The following PDE6C variants were observed in gnomAD, a reference collection of about 807,000 sequenced individuals.
PDE6C encodes cone cGMP-specific 3',5'-cyclic phosphodiesterase subunit alpha'.
A neutral mutation model predicts 113.1 loss-of-function variants in PDE6C; 75 were observed. That is an observed-to-expected ratio of 0.66 (90% CI 0.55 to 0.80). The LOEUF (loss-of-function observed/expected upper bound fraction) is 0.80, where lower values mean the gene tolerates loss of function less well. Among genes scored for constraint, PDE6C ranks in the 30% least tolerant of loss-of-function variants. The pLI, the probability that PDE6C is intolerant of heterozygous loss-of-function variation, is 0.00. For synonymous variants in PDE6C, 375 were observed against 363.7 expected (o/e 1.03, Z -0.35); for missense variants, 912 against 1,038.6 (o/e 0.88, Z 1.67).
At chr10:93,614,926 G>T (rs2058413123) in intron 1 of PDE6C, among the ~76,000 whole-genome samples, 1 of 152,124 alleles carries the variant, frequency 6.6e-6, no homozygotes, top group African/African-American at 2.4e-5. Flanking sequence ...AGACCTCATT[G>T]GTTCTTCATT....
chr10:93,617,774 C>CA (rs1286747272), intron 1 of PDE6C, among the ~76,000 whole-genome samples: 4 of 151,706 alleles, frequency 2.6e-5, no homozygotes, highest in African/African-American at 7.3e-5. Context: ...AACTCTGTCT[C>CA]AAAAAAAAGA....
At chr10:93,657,083 A>T (rs900189466) in intron 16 of PDE6C, among the ~76,000 whole-genome samples, 1 of 152,134 alleles carries the variant, frequency 6.6e-6, no homozygotes, top group African/African-American at 2.4e-5. Context: ...CCACAAAGAT[A>T]TCACCGTCTG....
chr10:93,662,089 G>C lies in PDE6C; in HGVS notation c.2239G>C (p.Glu747Gln). Residue 747 changes from glutamate to glutamine, a missense_variant, in exon 19 of 22, where the codon GAA becomes CAA. Transcript: ENST00000371447. ...VALMVANEFW[E>Q]QGDLERTVLQ... The stretch of plus-strand genomic sequence containing the variant: ...ACTTATGGTTGCAAATGAATTTTGG[G>C]AACAAGGAGATCTGGAGAGAACAGT... The C allele has an allele frequency of 6.2e-7, 1 of 1,610,528 alleles. No individual in the cohort carries two copies. The highest frequency in any genetic ancestry group is 8.5e-7 in the Non-Finnish European group (1 of 1,176,874).
At chr10:93,650,256 CT>C (rs1564803639) in intron 15 of PDE6C, among the ~76,000 whole-genome samples, 1 of 152,092 alleles carries the variant, frequency 6.6e-6, no homozygotes, top group South Asian at 2.1e-4. Context: ...TGATTCATTC[CT>C]TTTTTTAGAG....
In PDE6C at chr10:93,614,566, G is replaced by A. The variant is rs117441553; in HGVS notation, c.480+1361G>A. Among the ~76,000 whole-genome samples the A allele has an allele frequency of 2.7e-3, 413 of 152,280 alleles. 13 individuals are homozygous for A. In the East Asian group the frequency reaches 0.072, roughly 27 times the overall value. ...CCTGAGGTTTTTCTCATGGGAATACGCTCCTTGAGGGTCCCCAACTGAGCC... is the reference window on the plus strand; with the variant it reads ...CCTGAGGTTTTTCTCATGGGAATACACTCCTTGAGGGTCCCCAACTGAGCC... On this transcript the variant is annotated intron_variant, in intron 1 of 21. Transcript: ENST00000371447.
At chr10:93,656,582 GTAT>G (rs1487564584) in intron 16 of PDE6C, among the ~76,000 whole-genome samples, 8 of 151,538 alleles carry the variant, frequency 5.3e-5, no homozygotes, top group African/African-American at 1.7e-4. Context: ...ATTATTATAT[GTAT>G]TATTATACAG....
chr10:93,620,541 T>C lies in PDE6C; in HGVS notation c.481-91T>C, dbSNP rs2058440360. ...AGCCCTGGTTATCTGTTGGTAGCAT[T>C]TAAATGAGAGAGAATGATCTGTCAT... On this transcript the variant is annotated intron_variant, in intron 1 of 21. Coordinates refer to ENST00000371447, the MANE Select transcript of PDE6C (RefSeq NM_006204.4). The C allele has an allele frequency of 2.0e-5, 27 of 1,344,104 alleles. 1 individual carries two copies. The South Asian group carries it at 2.9e-4, about 15-fold the overall frequency. 83.3% of individuals were successfully genotyped at this position (1,344,104 alleles called of 1,614,324 possible).
rs1236291370 is a variant in PDE6C, at chr10:93,662,577, CAA to C, written c.2304_2305del (p.Asp770Ter). The part of the protein sequence containing the change: ...QQPIPMMDRN[K>X]RDELPKLQVG... ...CTTTCTAGCCTATGATGGACAGAAA[CAA>C]AAGAGATGAATTACCTAAACTTCAA... On this transcript the variant is annotated frameshift_variant, in exon 20 of 22. Coordinates refer to ENST00000371447, the MANE Select transcript of PDE6C (RefSeq NM_006204.4). LOFTEE classifies it high-confidence loss of function. 1.1e-5 allele frequency: 16 copies of C among 1,493,396 alleles called. No individual in the cohort carries two copies. The highest frequency in any genetic ancestry group is 1.7e-4 in the Middle Eastern group (1 of 5,838). The allele number at this position is 1,493,396 out of a possible 1,614,324, so 92.5% of individuals were successfully genotyped here.
At chr10:93,665,132 G>C (rs571672991) in intron 21 of PDE6C, among the ~76,000 whole-genome samples, 30 of 152,252 alleles carry the variant, frequency 2.0e-4, no homozygotes, top group Middle Eastern at 6.8e-3. Flanking sequence ...GCCTCCCAAA[G>C]TGCTGGGATT....
chr10:93,634,028 C>CT lies in PDE6C; in HGVS notation c.1120-718dup, dbSNP rs112584454. On this transcript the variant is annotated intron_variant, in intron 8 of 21. Coordinates refer to ENST00000371447, the MANE Select transcript of PDE6C (RefSeq NM_006204.4). ...ATCTAACACCAAAAGATTACTCTTT[C>CT]TTTTTTTTTTTTGAGATGGAATTTC... Among the ~76,000 whole-genome samples the CT allele has an allele frequency of 2.1e-3, 301 of 145,686 alleles. 1 individual carries two copies. Among genetic ancestry groups the CT allele is most frequent in the Admixed American group, 4.0e-3 (58 of 14,586 alleles).
chr10:93,654,252 T>A (rs929653257), intron 15 of PDE6C, among the ~76,000 whole-genome samples: 1 of 152,178 alleles, frequency 6.6e-6, no homozygotes, highest in African/African-American at 2.4e-5. Context: ...AAGTGAAGTC[T>A]CTAGGATTAT....
chr10:93,658,867 C>G, intron 16 of PDE6C, 34 bp from the exon 17 acceptor site: 1 of 1,247,116 alleles, frequency 8.0e-7, no homozygotes. Context: ...TTTTCATAAG[C>G]TAAAATTGTT....
At chr10:93,642,243 A>T (rs2058563673) in intron 14 of PDE6C, among the ~76,000 whole-genome samples, 1 of 152,090 alleles carries the variant, frequency 6.6e-6, no homozygotes, top group African/African-American at 2.4e-5. Flanking sequence ...GTGCACCTGC[A>T]GTCTCAGCTA....
intron 11 of PDE6C, among the ~76,000 whole-genome samples, 156 bp from the exon 12 acceptor site, chr10:93,639,914 C>G (rs1031671392): frequency 6.6e-6 from 1 of 152,088 alleles, no homozygotes; most frequent in African/African-American, 2.4e-5. Context: ...ATAATCTGTG[C>G]AAACTGCATC....
At chr10:93,653,678 A>AAAAAC in intron 15 of PDE6C, among the ~76,000 whole-genome samples, 2 of 150,636 alleles carry the variant, frequency 1.3e-5, no homozygotes, top group African/African-American at 4.9e-5. Context: ...AAACAAAAAC[A>AAAAAC]AAAAAAAACA....
intron 8 of PDE6C, among the ~76,000 whole-genome samples, chr10:93,629,680 A>G (rs1430073027): frequency 6.6e-6 from 1 of 152,134 alleles, no homozygotes; most frequent in East Asian, 1.9e-4. Context: ...ATCATCAGGC[A>G]TTAGTTAGAT....
intron 21 of PDE6C, 88 bp downstream of exon 21, chr10:93,663,266 C>T (rs2058674866): frequency 7.5e-7 from 1 of 1,339,804 alleles, no homozygotes. Flanking sequence ...AAAGAGTCAC[C>T]ACAAACAGAA....
At chr10:93,631,506 C>T (rs2058501434) in intron 8 of PDE6C, among the ~76,000 whole-genome samples, 1 of 152,124 alleles carries the variant, frequency 6.6e-6, no homozygotes, top group Non-Finnish European at 1.5e-5. Flanking sequence ...TAAGGGGCTC[C>T]CCTCAACCTT....
chr10:93,619,392 A>T (rs2058434647), intron 1 of PDE6C, among the ~76,000 whole-genome samples: 1 of 152,156 alleles, frequency 6.6e-6, no homozygotes, highest in Non-Finnish European at 1.5e-5. Context: ...CCTTTCACAC[A>T]GGGTCAGTGG....
Sources: allele counts gnomAD v4.1 joint callset (sites outside exome capture counted in the v4.1 genomes callset), GRCh38; gene constraint gnomAD v4.1.1; transcripts MANE v1.5; gene names NCBI Gene and HGNC (gene_info 2026-07-23, HGNC 2026-07-21).